Variants in CLSTN2 observed in about 807,000 individuals in gnomAD.
CLSTN2 encodes calsyntenin-2.
Under a neutral mutation model 101.2 loss-of-function variants are expected in CLSTN2, and 48 were observed. The ratio of observed to expected loss-of-function variants is 0.47; its 90% CI spans 0.38 to 0.60. The LOEUF (loss-of-function observed/expected upper bound fraction) is 0.60, where lower values mean the gene tolerates loss of function less well. CLSTN2 is among the 20% of genes least tolerant of loss of function. The probability of loss-of-function intolerance (pLI) is 0.00; values close to 1 mark genes in which losing one functional copy is unlikely to be tolerated. For missense variants in CLSTN2, 1,160 were observed against 1,238.2 expected, an observed-to-expected ratio of 0.94 and a Z score of 0.95; for synonymous variants, 481 against 463.6, an observed-to-expected ratio of 1.04 and a Z score of -0.48.
chr3:139,971,507 G>A (rs932312776), intron 1 of CLSTN2, among the ~76,000 whole-genome samples: 2 of 152,218 alleles, frequency 1.3e-5, no homozygotes, highest in Non-Finnish European at 2.9e-5. Context: ...AAAAGCTGTA[G>A]AATGCAGAGC....
chr3:140,023,966 T>TG (rs2007369646), intron 1 of CLSTN2, among the ~76,000 whole-genome samples: 1 of 152,128 alleles, frequency 6.6e-6, no homozygotes, highest in South Asian at 2.1e-4. Context: ...GAGGGCTCTT[T>TG]GGGGGACTAC....
At chr3:140,156,665 G>T (rs1321130659) in intron 1 of CLSTN2, among the ~76,000 whole-genome samples, 1 of 152,220 alleles carries the variant, frequency 6.6e-6, no homozygotes, top group Non-Finnish European at 1.5e-5. Context: ...TCTCCTCGAA[G>T]AGGTGAGACT....
chr3:140,351,726 G>A (rs1384842231), intron 2 of CLSTN2, among the ~76,000 whole-genome samples: 1 of 151,968 alleles, frequency 6.6e-6, no homozygotes, highest in Non-Finnish European at 1.5e-5. Context: ...TGTTGGTGGA[G>A]CAAAGATATA....
At chr3:140,229,315 C>G (rs72988187) in intron 2 of CLSTN2, among the ~76,000 whole-genome samples, 4,980 of 152,286 alleles carry the variant, frequency 0.033, 248 homozygotes, top group African/African-American at 0.11. Flanking sequence ...TTTCTCAACA[C>G]TGTTTATACC....
At chr3:140,537,700 C>A (rs1935386842) in intron 9 of CLSTN2, among the ~76,000 whole-genome samples, 1 of 152,188 alleles carries the variant, frequency 6.6e-6, no homozygotes, top group Admixed American at 6.5e-5. Flanking sequence ...CGTAAAAGAT[C>A]ATTTAAAAGA....
intron 2 of CLSTN2, among the ~76,000 whole-genome samples, chr3:140,319,725 G>A (rs1445723406): frequency 6.6e-6 from 1 of 152,194 alleles, no homozygotes; most frequent in African/African-American, 2.4e-5. Context: ...ATGTGCCTTA[G>A]CATGACCATA....
chr3:140,477,372 C>A (rs781189507), intron 8 of CLSTN2, among the ~76,000 whole-genome samples: 2 of 152,140 alleles, frequency 1.3e-5, no homozygotes, highest in African/African-American at 4.8e-5. Context: ...AAGACAGTAG[C>A]TTTGAAGCAA....
intron 5 of CLSTN2, among the ~76,000 whole-genome samples, chr3:140,429,953 A>G (rs181731812): frequency 3.3e-5 from 5 of 152,184 alleles, no homozygotes; most frequent in African/African-American, 9.6e-5. Flanking sequence ...ACCTGCCACC[A>G]CCCTACCAAG....
intron 2 of CLSTN2, among the ~76,000 whole-genome samples, chr3:140,293,515 G>C (rs2086974264): frequency 6.6e-6 from 1 of 152,192 alleles, no homozygotes. Context: ...CTTGGGCTGA[G>C]CTGAGAGGAA....
intron 2 of CLSTN2, among the ~76,000 whole-genome samples, chr3:140,310,988 G>A (rs956890846): frequency 9.9e-5 from 15 of 152,174 alleles, no homozygotes; most frequent in African/African-American, 2.7e-4. Context: ...CCGAAGGAAC[G>A]GCCTGTGTAA....
chr3:140,255,864 C>T (rs368688805), intron 2 of CLSTN2, among the ~76,000 whole-genome samples: 1 of 152,244 alleles, frequency 6.6e-6, no homozygotes, highest in Admixed American at 6.5e-5. Context: ...TCCTTAGAAA[C>T]TGGACATATA....
chr3:140,225,917 TAA>T (rs755515327), intron 2 of CLSTN2, among the ~76,000 whole-genome samples: 6 of 151,422 alleles, frequency 4.0e-5, no homozygotes, highest in African/African-American at 1.5e-4. Flanking sequence ...TGATTTTTTT[TAA>T]AAAAAAAAGG....
chr3:140,255,042 A>G (rs1175148815), intron 2 of CLSTN2, among the ~76,000 whole-genome samples: 1 of 152,222 alleles, frequency 6.6e-6, no homozygotes, highest in Non-Finnish European at 1.5e-5. Context: ...TGATAAGCAC[A>G]TGAAAATTGC....
At chr3:140,329,104 TG>T (rs1479739453) in intron 2 of CLSTN2, among the ~76,000 whole-genome samples, 1 of 152,220 alleles carries the variant, frequency 6.6e-6, no homozygotes, top group East Asian at 1.9e-4. Context: ...GACTTCCTGT[TG>T]GCCGGGCATG....
intron 1 of CLSTN2, among the ~76,000 whole-genome samples, chr3:140,171,411 G>C (rs2010210773): frequency 6.6e-6 from 1 of 151,680 alleles, no homozygotes; most frequent in Non-Finnish European, 1.5e-5. Flanking sequence ...TGTGGAATGG[G>C]TGAGAAGGAG....
At chr3:140,370,564 T>C (rs528034271) in intron 2 of CLSTN2, among the ~76,000 whole-genome samples, 1 of 152,210 alleles carries the variant, frequency 6.6e-6, no homozygotes, top group South Asian at 2.1e-4. Context: ...TAGAATATGG[T>C]TGTTGTATCA....
intron 8 of CLSTN2, among the ~76,000 whole-genome samples, chr3:140,492,018 G>C (rs1044464640): frequency 6.6e-6 from 1 of 152,048 alleles, no homozygotes; most frequent in Admixed American, 6.6e-5. Flanking sequence ...ACCCAAAAAA[G>C]CCCTTTAAGA....
intron 6 of CLSTN2, among the ~76,000 whole-genome samples, chr3:140,453,911 G>A (rs1183546818): frequency 6.6e-6 from 1 of 152,144 alleles, no homozygotes. Flanking sequence ...ACCATCAGAG[G>A]TTTTCACACC....
intron 1 of CLSTN2, among the ~76,000 whole-genome samples, chr3:139,949,064 C>G (rs1935253678): frequency 6.6e-6 from 1 of 152,160 alleles, no homozygotes; most frequent in Admixed American, 6.5e-5. Flanking sequence ...ATGCTTTGTC[C>G]TGCCTGGCAG....
Sources: allele counts gnomAD v4.1 joint callset (sites outside exome capture counted in the v4.1 genomes callset), GRCh38; gene constraint gnomAD v4.1.1; transcripts MANE v1.5; gene names NCBI Gene and HGNC (gene_info 2026-07-23, HGNC 2026-07-21).